NUP210L: variants seen among roughly 807,000 people sequenced by gnomAD.
NUP210L encodes the protein nucleoporin 210 like, also known as nuclear pore membrane glycoprotein 210-like.
A neutral mutation model predicts 208.5 loss-of-function variants in NUP210L; 74 were observed. That is an observed-to-expected ratio of 0.35 (90% CI 0.29 to 0.43). The LOEUF is 0.43. Among genes scored for constraint, NUP210L ranks in the 20% least tolerant of loss-of-function variants. The pLI is 1.00. For missense variants in NUP210L, 1,843 were observed against 2,289.4 expected (o/e 0.81, Z 3.98); for synonymous variants, 780 against 816.9 (o/e 0.95, Z 0.77).
chr1:154,054,344 C>A (rs746145392), exon 25 of NUP210L: 3 of 1,614,148 alleles, frequency 1.9e-6, no homozygotes, highest in Non-Finnish European at 2.5e-6. Context: ...ACAACAGCCA[C>A]GGTCTGATTA....
chr1:154,150,063 T>A (rs1558011998), intron 2 of NUP210L, among the ~76,000 whole-genome samples: 1 of 152,136 alleles, frequency 6.6e-6, no homozygotes, highest in Non-Finnish European at 1.5e-5. Flanking sequence ...CCCCTACCTC[T>A]ATAAAAATTA....
intron 37 of NUP210L, among the ~76,000 whole-genome samples, chr1:153,997,449 G>A (rs909284323): frequency 2.8e-5 from 4 of 144,594 alleles, no homozygotes; most frequent in African/African-American, 1.0e-4. Context: ...CCTTTTGGCT[G>A]TTTTTCTTTT....
chr1:154,029,586 A>G (rs2147941492), intron 28 of NUP210L, among the ~76,000 whole-genome samples: 1 of 151,950 alleles, frequency 6.6e-6, no homozygotes, highest in South Asian at 2.1e-4. Context: ...GCTACTCGGG[A>G]GGCTGAGGCA....
exon 30 of NUP210L, chr1:154,025,621 G>C (rs970751376): frequency 1.2e-6 from 2 of 1,613,838 alleles, no homozygotes; most frequent in Admixed American, 1.7e-5. Flanking sequence ...ACCTGCAATG[G>C]AACCAGCTTT....
intron 37 of NUP210L, among the ~76,000 whole-genome samples, chr1:153,995,454 C>T (rs577249038): frequency 1.2e-4 from 18 of 152,318 alleles, no homozygotes; most frequent in African/African-American, 3.6e-4. Flanking sequence ...GTGAACTATA[C>T]TTGGCTCAAC....
exon 35 of NUP210L, chr1:154,009,974 T>G: frequency 6.2e-7 from 1 of 1,607,858 alleles, no homozygotes; most frequent in South Asian, 1.1e-5. Context: ...TAACTTACCT[T>G]TCTCCATACT....
chr1:154,101,002 GTC>G (rs1219589832), intron 13 of NUP210L, among the ~76,000 whole-genome samples: 1 of 151,500 alleles, frequency 6.6e-6, no homozygotes, highest in East Asian at 2.0e-4. Context: ...GAGAAATCCC[GTC>G]TCTACTAAAA....
intron 12 of NUP210L, among the ~76,000 whole-genome samples, chr1:154,113,734 T>G: frequency 6.6e-6 from 1 of 151,002 alleles, no homozygotes; most frequent in Non-Finnish European, 1.5e-5. Flanking sequence ...GGCACGTGCC[T>G]GTAATTCCAG....
intron 16 of NUP210L, chr1:154,079,408 C>T (rs765520214): frequency 2.6e-5 from 4 of 152,122 alleles, no homozygotes; most frequent in South Asian, 2.1e-4. Context: ...AGGTGTCCGA[C>T]ACCATACCTG....
intron 27 of NUP210L, among the ~76,000 whole-genome samples, chr1:154,038,600 C>A (rs1233553998): frequency 6.6e-6 from 1 of 152,066 alleles, no homozygotes; most frequent in East Asian, 1.9e-4. Flanking sequence ...CTGCCTTGGC[C>A]TCCCAAAGTA....
intron 16 of NUP210L, among the ~76,000 whole-genome samples, chr1:154,073,342 T>C (rs927567452): frequency 6.6e-6 from 1 of 151,890 alleles, no homozygotes; most frequent in African/African-American, 2.4e-5. Flanking sequence ...CCTCCCAAAG[T>C]ATGAAACCCA....
At chr1:154,031,702 A>T (rs1487595714) in intron 27 of NUP210L, among the ~76,000 whole-genome samples, 1 of 150,554 alleles carries the variant, frequency 6.6e-6, no homozygotes, top group East Asian at 1.9e-4. Context: ...ATGTTGTTGC[A>T]CATGACAGGA....
intron 16 of NUP210L, among the ~76,000 whole-genome samples, chr1:154,073,314 G>T (rs1040912264): frequency 6.6e-6 from 1 of 151,940 alleles, no homozygotes; most frequent in African/African-American, 2.4e-5. Context: ...CTGGGCTCAA[G>T]CAATCCTCCC....
chr1:154,057,803 A>G (rs1653949849), intron 22 of NUP210L, among the ~76,000 whole-genome samples: 1 of 150,298 alleles, frequency 6.7e-6, no homozygotes, highest in South Asian at 2.1e-4. Context: ...CACAGGCACA[A>G]TTATATTATA....
chr1:154,076,039 T>G (rs917891257), intron 16 of NUP210L, among the ~76,000 whole-genome samples: 4 of 151,122 alleles, frequency 2.6e-5, no homozygotes, highest in Non-Finnish European at 5.9e-5. Flanking sequence ...TCCGTCCACC[T>G]CAGGCTCCCA....
chr1:154,012,161 AT>A, intron 34 of NUP210L, 82 bp downstream of exon 34: 1 of 1,381,236 alleles, frequency 7.2e-7, no homozygotes, highest in South Asian at 1.3e-5. Flanking sequence ...GAAAATCTGG[AT>A]TACTAATCCA....
chr1:154,002,030 C>G, intron 35 of NUP210L, 45 bp from the exon 36 acceptor site: 1 of 1,585,780 alleles, frequency 6.3e-7, no homozygotes, highest in Non-Finnish European at 8.6e-7. Flanking sequence ...TTCAGAGGCT[C>G]TATTGAGCCA....
chr1:154,071,420 TGTA>T (rs1355040943), intron 16 of NUP210L, among the ~76,000 whole-genome samples: 1 of 151,846 alleles, frequency 6.6e-6, no homozygotes, highest in African/African-American at 2.4e-5. Flanking sequence ...GGACCCAACT[TGTA>T]GTCTTTTATC....
chr1:154,081,157 C>T lies in NUP210L; in HGVS notation c.2361+8264G>A, dbSNP rs556122356. Among the ~76,000 whole-genome samples the T allele has an allele frequency of 7.4e-4, 112 of 150,506 alleles. 2 individuals are homozygous for T. The highest frequency in any genetic ancestry group is 6.9e-3 in the Middle Eastern group (2 of 290). ...TATGTTCCATGAAAAGTCTGATTAG[C>T]ATAATGAAATTTTTAAATGGCCCAG... On this transcript the variant is annotated intron_variant, in intron 16 of 39. Coordinates refer to ENST00000368559, the Ensembl canonical transcript of NUP210L.
Sources: gnomAD v4.1 joint callset for allele counts (sites outside exome capture counted in the v4.1 genomes callset) on GRCh38, gnomAD v4.1.1 for gene constraint, MANE v1.5 for transcripts, NCBI Gene and HGNC (gene_info 2026-07-23, HGNC 2026-07-21) for gene names.